WWOX: variants seen among roughly 807,000 people sequenced by gnomAD.
WWOX encodes WW domain containing oxidoreductase.
A neutral mutation model predicts 46.2 loss-of-function variants in WWOX; 69 were observed. That is an observed-to-expected ratio of 1.49 (90% CI 1.23 to 1.82). The LOEUF is 1.82. WWOX is among the 40% of genes most tolerant of loss of function. The probability of loss-of-function intolerance (pLI) is 0.00; values close to 1 mark genes in which losing one functional copy is unlikely to be tolerated. For missense variants in WWOX, 919 were observed against 542.6 expected (o/e 1.69, Z -6.89); for synonymous variants, 359 against 202.6 (o/e 1.77, Z -6.56).
chr16:78,681,767 A>C (rs568074426), intron 8 of WWOX, among the ~76,000 whole-genome samples: 1 of 152,242 alleles, frequency 6.6e-6, no homozygotes, highest in East Asian at 1.9e-4. Context: ...GTGCGCAGTG[A>C]CTCTGTGGCG....
chr16:78,698,528 C>A (rs149469047), intron 8 of WWOX, among the ~76,000 whole-genome samples: 1 of 152,290 alleles, frequency 6.6e-6, no homozygotes, highest in African/African-American at 2.4e-5. Flanking sequence ...TTGAGGAGAT[C>A]TAGAATAATG....
intron 8 of WWOX, among the ~76,000 whole-genome samples, chr16:78,954,118 A>G (rs2046117437): frequency 6.6e-6 from 1 of 152,058 alleles, no homozygotes; most frequent in Non-Finnish European, 1.5e-5. Flanking sequence ...TTCTTTTTTA[A>G]ATTGTTAAGA....
chr16:79,133,224 G>A (rs1597403842), intron 8 of WWOX, among the ~76,000 whole-genome samples: 2 of 152,134 alleles, frequency 1.3e-5, no homozygotes, highest in African/African-American at 2.4e-5. Context: ...CTAATGAAAC[G>A]CATTTCATGG....
In WWOX at chr16:78,339,768, C is replaced by T. The variant is rs538636552; in HGVS notation, c.517-47092C>T. ...ATTTTGTGGCTTTCTGTGTTGTTCT[C>T]GGGAAGTACAAACCCTTGTGACCGC... On this transcript the variant is annotated intron_variant, in intron 5 of 8. Coordinates refer to ENST00000566780, the MANE Select transcript of WWOX (RefSeq NM_016373.4). Among the ~76,000 whole-genome samples the T allele has an allele frequency of 3.4e-5, 4 of 117,126 alleles. 1 individual carries two copies. The highest frequency in any genetic ancestry group is 2.7e-4 in the South Asian group (1 of 3,764). The allele number at this position is 117,126 out of a possible 152,430, so 76.8% of individuals were successfully genotyped here. A position where few individuals can be genotyped will look rare whatever the true frequency, so the allele number is the denominator to read the frequency against.
chr16:79,054,927 CA>C (rs1472434780), intron 8 of WWOX, among the ~76,000 whole-genome samples: 13 of 152,132 alleles, frequency 8.5e-5, no homozygotes, highest in Admixed American at 2.6e-4. Flanking sequence ...AAAGCAATTG[CA>C]GCAAATACCA....
At chr16:78,370,638 C>T (rs149893709) in intron 5 of WWOX, among the ~76,000 whole-genome samples, 1 of 151,832 alleles carries the variant, frequency 6.6e-6, no homozygotes, top group East Asian at 1.9e-4. Flanking sequence ...TATCTTTTGT[C>T]TTTCTCCATA....
chr16:78,318,362 G>C (rs1278463058), intron 5 of WWOX, among the ~76,000 whole-genome samples: 1 of 150,364 alleles, frequency 6.7e-6, no homozygotes, highest in Non-Finnish European at 1.5e-5. Flanking sequence ...AGGAGAAAAT[G>C]TATAAAGGAG....
chr16:78,388,077 G>A (rs116999448), intron 6 of WWOX, among the ~76,000 whole-genome samples: 1 of 152,148 alleles, frequency 6.6e-6, no homozygotes, highest in Non-Finnish European at 1.5e-5. Flanking sequence ...GTGTCACCCA[G>A]GTTGGAACGT....
At position 78,665,049 on chromosome 16, in the gene WWOX, C is replaced by G. The variant is rs535788606; in HGVS notation, c.1056+232297C>G. 2.0e-5 allele frequency among the ~76,000 whole-genome samples: 3 copies of G among 152,298 alleles called. No individual in the cohort carries two copies. In the East Asian group the frequency reaches 5.8e-4, roughly 29 times the overall value. ...ATCAGCCTGCATCCTGTTCATTACA[C>G]TACAAAGGGCTGCCAATGGGAATTG... On this transcript the variant is annotated intron_variant, in intron 8 of 8. Transcript: ENST00000566780.
chr16:79,123,859 C>T (rs1181820642), intron 8 of WWOX, among the ~76,000 whole-genome samples: 1 of 152,172 alleles, frequency 6.6e-6, no homozygotes, highest in African/African-American at 2.4e-5. Flanking sequence ...GATTGATATA[C>T]AGCAACAATA....
chr16:78,943,642 C>G (rs188983218), intron 8 of WWOX, among the ~76,000 whole-genome samples: 1 of 152,092 alleles, frequency 6.6e-6, no homozygotes, highest in East Asian at 1.9e-4. Flanking sequence ...ATGGCCTGGA[C>G]GCAGCTGAAA....
intron 4 of WWOX, among the ~76,000 whole-genome samples, chr16:78,141,205 G>C (rs1406875273): frequency 6.6e-6 from 1 of 152,164 alleles, no homozygotes; most frequent in Non-Finnish European, 1.5e-5. Context: ...ATGTTGCAGA[G>C]GCAATTTAAA....
chr16:79,069,915 G>T (rs2048516738), intron 8 of WWOX, among the ~76,000 whole-genome samples: 1 of 152,052 alleles, frequency 6.6e-6, no homozygotes, highest in Admixed American at 6.6e-5. Flanking sequence ...CCCCCTCTAT[G>T]ACCAAAAAGT....
chr16:78,161,695 C>T (rs924301588), intron 4 of WWOX, among the ~76,000 whole-genome samples: 11 of 152,158 alleles, frequency 7.2e-5, no homozygotes, highest in African/African-American at 2.7e-4. Flanking sequence ...CATGCTTTGG[C>T]CGCCCACGGT....
chr16:79,147,005 G>A (rs1015185490), intron 8 of WWOX, among the ~76,000 whole-genome samples: 3 of 152,194 alleles, frequency 2.0e-5, no homozygotes, highest in African/African-American at 7.2e-5. Flanking sequence ...TTCCCCCAGT[G>A]ATAGCTTTTG....
intron 8 of WWOX, among the ~76,000 whole-genome samples, chr16:79,066,430 G>A (rs1035190713): frequency 1.6e-4 from 25 of 152,112 alleles, no homozygotes; most frequent in African/African-American, 4.3e-4. Flanking sequence ...TATCAAGTGC[G>A]CAATTAGGCT....
chr16:78,989,856 G>GTA lies in WWOX; in HGVS notation c.1057-221752_1057-221751insTA, dbSNP rs1555507884. Among the ~76,000 whole-genome samples the GTA allele has an allele frequency of 2.0e-5, 3 of 149,616 alleles. No homozygotes were observed. In the South Asian group the frequency reaches 6.4e-4, roughly 32 times the overall value. ...TGTGTGTGTGTGTGTGTGTGTGTGT[G>GTA]ATTGAGAGAGAGAGAGACAGATGGA... On this transcript the variant is annotated intron_variant, in intron 8 of 8. Transcript: ENST00000566780.
chr16:78,672,571 C>T (rs1200904117), intron 8 of WWOX, among the ~76,000 whole-genome samples: 2 of 152,218 alleles, frequency 1.3e-5, no homozygotes, highest in Non-Finnish European at 2.9e-5. Flanking sequence ...ATTGCATCTC[C>T]AAACTGTGCC....
chr16:79,171,976 C>G (rs943929077), intron 8 of WWOX, among the ~76,000 whole-genome samples: 2 of 152,170 alleles, frequency 1.3e-5, no homozygotes, highest in African/African-American at 4.8e-5. Flanking sequence ...ATGCAGTTGG[C>G]AGTTTGCCAT....
Sources: gnomAD v4.1 joint callset for allele counts (sites outside exome capture counted in the v4.1 genomes callset) on GRCh38, gnomAD v4.1.1 for gene constraint, MANE v1.5 for transcripts, NCBI Gene and HGNC (gene_info 2026-07-23, HGNC 2026-07-21) for gene names.